Variants in CCSER2 observed in about 807,000 individuals in gnomAD.
CCSER2 encodes coiled-coil serine rich protein 2.
A neutral mutation model predicts 92.3 loss-of-function variants in CCSER2; 46 were observed. The observed-to-expected ratio is 0.50, with a 90% CI of 0.39 to 0.64. The LOEUF (loss-of-function observed/expected upper bound fraction) is 0.64, where lower values mean the gene tolerates loss of function less well. CCSER2 is among the 30% of genes least tolerant of loss of function. The pLI is 0.00. For missense variants in CCSER2, 1,244 were observed against 1,238.9 expected (o/e 1.00, Z -0.06); for synonymous variants, 433 against 431.4 (o/e 1.00, Z -0.04).
Position 84,387,887 on chromosome 10 carries a change from C to G in CCSER2, c.1614+14072C>G, listed in dbSNP as rs144366372. Among the ~76,000 whole-genome samples the G allele has an allele frequency of 3.0e-3, 456 of 151,914 alleles. 3 individuals carry two copies. Among genetic ancestry groups the G allele is most frequent in the African/African-American group, 0.01 (434 of 41,444 alleles). ...TTTCTTTTCTTTTGTTTTTTTGAGA[C>G]GGAGTCTTGCTCTTCACCCAGCCTA... On this transcript the variant is annotated intron_variant, in intron 3 of 9. Coordinates refer to ENST00000372088, the MANE Select transcript of CCSER2 (RefSeq NM_001284240.2).
chr10:84,341,343 CTTTTTT>C (rs35558044), intron 1 of CCSER2, among the ~76,000 whole-genome samples: 4 of 94,302 alleles, frequency 4.2e-5, no homozygotes, highest in African/African-American at 1.0e-4. Context: ...CTTTGTAACT[CTTTTTT>C]TTTTTTTTTT....
At chr10:84,366,343 AATTTAC>A (rs1178747204) in intron 1 of CCSER2, among the ~76,000 whole-genome samples, 2 of 152,280 alleles carry the variant, frequency 1.3e-5, no homozygotes, top group Non-Finnish European at 2.9e-5. Context: ...CTGTTGAATT[AATTTAC>A]ATTAAGAGAT....
At chr10:84,503,673 T>C (rs986142236) in intron 9 of CCSER2, among the ~76,000 whole-genome samples, 6 of 152,370 alleles carry the variant, frequency 3.9e-5, no homozygotes, top group Non-Finnish European at 7.3e-5. Flanking sequence ...TTTCTTACTG[T>C]GTCTAACTAA....
intron 3 of CCSER2, among the ~76,000 whole-genome samples, chr10:84,411,574 T>C (rs1564637903): frequency 6.6e-6 from 1 of 152,192 alleles, no homozygotes; most frequent in Admixed American, 6.5e-5. Flanking sequence ...GTGGCAGTTA[T>C]GAATGGGACT....
chr10:84,381,681 A>G (rs1386795784), intron 3 of CCSER2, among the ~76,000 whole-genome samples: 1 of 152,040 alleles, frequency 6.6e-6, no homozygotes, highest in Non-Finnish European at 1.5e-5. Context: ...TAATCCCAGC[A>G]CTTTGGGAGG....
chr10:84,416,205 A>G (rs997487998), intron 3 of CCSER2, among the ~76,000 whole-genome samples: 1 of 152,162 alleles, frequency 6.6e-6, no homozygotes, highest in Non-Finnish European at 1.5e-5. Flanking sequence ...CTTTGGCTCC[A>G]CATTGCTCCC....
chr10:84,389,577 T>G, intron 3 of CCSER2: 1 of 206,952 alleles, frequency 4.8e-6, no homozygotes, highest in South Asian at 6.4e-5. Flanking sequence ...TCGATACACC[T>G]CAGATACACA....
At chr10:84,333,844 T>C (rs1843698375) in intron 1 of CCSER2, among the ~76,000 whole-genome samples, 4 of 152,228 alleles carry the variant, frequency 2.6e-5, no homozygotes, top group Non-Finnish European at 5.9e-5. Flanking sequence ...CTCACAGCAC[T>C]TTGTTATATT....
At chr10:84,376,441 G>A (rs1846342219) in intron 3 of CCSER2, among the ~76,000 whole-genome samples, 1 of 152,010 alleles carries the variant, frequency 6.6e-6, no homozygotes, top group Non-Finnish European at 1.5e-5. Context: ...CTATAAATTA[G>A]CTTTGACTGT....
intron 3 of CCSER2, among the ~76,000 whole-genome samples, chr10:84,403,195 G>GT (rs11451583): frequency 1 from 152,298 of 152,298 alleles, 76,149 homozygotes; most frequent in Non-Finnish European, 1. Context: ...GTTAGAGGCA[G>GT]TTTAACAAAT....
chr10:84,428,164 C>T (rs1283418615), intron 5 of CCSER2, among the ~76,000 whole-genome samples: 3 of 152,144 alleles, frequency 2.0e-5, no homozygotes. Context: ...CAGTGGTCTC[C>T]AACCTTTTTG....
intron 9 of CCSER2, among the ~76,000 whole-genome samples, chr10:84,502,743 T>C (rs1848831860): frequency 6.6e-6 from 1 of 152,122 alleles, no homozygotes; most frequent in Non-Finnish European, 1.5e-5. Context: ...GAGGTAAAGC[T>C]TGGCTGTGAG....
intron 1 of CCSER2, among the ~76,000 whole-genome samples, chr10:84,344,499 G>A (rs574093051): frequency 9.9e-5 from 15 of 152,188 alleles, no homozygotes; most frequent in African/African-American, 3.6e-4. Context: ...TTGTCACATG[G>A]ACATTACCTT....
chr10:84,417,586 T>C (rs1404708135), intron 3 of CCSER2, among the ~76,000 whole-genome samples, 185 bp from the exon 4 acceptor site: 6 of 152,214 alleles, frequency 3.9e-5, no homozygotes, highest in Non-Finnish European at 8.8e-5. Context: ...AGAAGGATGT[T>C]AGAAATAGCT....
At chr10:84,413,334 T>C (rs1398032306) in intron 3 of CCSER2, among the ~76,000 whole-genome samples, 6 of 152,288 alleles carry the variant, frequency 3.9e-5, no homozygotes, top group African/African-American at 1.4e-4. Flanking sequence ...ATCCCAGAGA[T>C]GGTGGTATGT....
chr10:84,441,734 A>ATTTTTTTTT lies in CCSER2; in HGVS notation c.2064+3028_2064+3029insTTTTTTTTT, dbSNP rs1564667385. ...GGGAATAAAGTAGAAGACTGGGAAA[A>ATTTTTTTTT]TGTTTTTTTTTTTTTTTTTTTTTTT... On this transcript the variant is annotated intron_variant, in intron 6 of 9. Transcript: ENST00000372088. 4.5e-4 allele frequency among the ~76,000 whole-genome samples: 48 copies of ATTTTTTTTT among 106,438 alleles called. 1 individual carries two copies. Among genetic ancestry groups the ATTTTTTTTT allele is most frequent in the South Asian group, 1.0e-3 (3 of 2,964 alleles). 69.8% of individuals were successfully genotyped at this position (106,438 alleles called of 152,430 possible).
rs1305747831 is a variant in CCSER2 at position 84,514,797 on chromosome 10, T to C, written c.*530T>C. 2.6e-5 allele frequency: 4 copies of C among 152,876 alleles called. No individual in the cohort carries two copies. In the East Asian group the frequency reaches 7.7e-4, roughly 29 times the overall value. The allele number at this position is 152,876 out of a possible 1,614,324, so 9.5% of individuals were successfully genotyped here. A position where few individuals can be genotyped will look rare whatever the true frequency, so the allele number is the denominator to read the frequency against. On this transcript the variant is annotated 3_prime_UTR_variant, in exon 10 of 10. Coordinates refer to ENST00000372088, the MANE Select transcript of CCSER2 (RefSeq NM_001284240.2). Reference sequence around the variant, plus strand: ...AAGCTTTGTGATGAATAAAGGAGATTAGGCTTTTAATGGAAAGTCTATGTA... The same window carrying C: ...AAGCTTTGTGATGAATAAAGGAGATCAGGCTTTTAATGGAAAGTCTATGTA...
intron 1 of CCSER2, among the ~76,000 whole-genome samples, chr10:84,355,809 A>G (rs541836833): frequency 6.6e-6 from 1 of 152,316 alleles, no homozygotes; most frequent in South Asian, 2.1e-4. Flanking sequence ...TTACTTTATA[A>G]AAAAGTGTTG....
chr10:84,389,862 C>T (rs1241852063), intron 3 of CCSER2, among the ~76,000 whole-genome samples: 1 of 152,206 alleles, frequency 6.6e-6, no homozygotes, highest in Non-Finnish European at 1.5e-5. Context: ...ATTCTTTGAG[C>T]ACTCCCTTGC....
Sources: allele counts gnomAD v4.1 joint callset (sites outside exome capture counted in the v4.1 genomes callset), GRCh38; gene constraint gnomAD v4.1.1; transcripts MANE v1.5; gene names NCBI Gene and HGNC (gene_info 2026-07-23, HGNC 2026-07-21).